Variants in PSD3 observed in about 807,000 individuals in gnomAD.
PSD3 encodes PH and SEC7 domain-containing protein 3.
In PSD3, 49 loss-of-function variants were observed where a neutral mutation model predicts 105.5. That is an observed-to-expected ratio of 0.46 (90% CI 0.37 to 0.59). PSD3 has a LOEUF of 0.59. PSD3 is among the 20% of genes least tolerant of loss of function. The probability of loss-of-function intolerance (pLI) is 0.00; values close to 1 mark genes in which losing one functional copy is unlikely to be tolerated. For missense variants in PSD3, 1,561 were observed against 1,263.8 expected, an observed-to-expected ratio of 1.24 and a Z score of -3.57; for synonymous variants, 557 against 457.8, an observed-to-expected ratio of 1.22 and a Z score of -2.77.
In PSD3 at chr8:18,743,097, T is replaced by C. The variant is rs1226914799; in HGVS notation, c.2172+22352A>G. On this transcript the variant is annotated intron_variant, in intron 9 of 15. Coordinates refer to ENST00000327040, the MANE Select transcript of PSD3 (RefSeq NM_015310.4). The stretch of plus-strand genomic sequence containing the variant: ...AGCAGGCTTCTCTTAAAAGTTGCTA[T>C]GCATACTTCTTCAACTGTATTGCAG... Among the ~76,000 whole-genome samples, 4 of 152,360 alleles carry C rather than the reference T, an allele frequency of 2.6e-5. No individual in the cohort carries two copies. The East Asian group carries it at 5.8e-4, about 22-fold the overall frequency.
chr8:18,732,764 A>G (rs1001606487), intron 9 of PSD3: 1 of 152,226 alleles, frequency 6.6e-6, no homozygotes, highest in African/African-American at 2.4e-5. Flanking sequence ...CTCCTGATGA[A>G]TGGAACAACA....
At chr8:18,817,936 T>C (rs531195834) in intron 4 of PSD3, among the ~76,000 whole-genome samples, 5 of 152,304 alleles carry the variant, frequency 3.3e-5, no homozygotes, top group South Asian at 2.1e-4. Context: ...ATAGATTATA[T>C]GCATTACGTT....
At chr8:18,970,625 G>C (rs944845461) in intron 1 of PSD3, among the ~76,000 whole-genome samples, 2 of 152,020 alleles carry the variant, frequency 1.3e-5, no homozygotes, top group African/African-American at 4.8e-5. Context: ...AAAACATTTA[G>C]TCTTTCCTAG....
chr8:18,620,484 TG>T (rs1447473808), intron 11 of PSD3, among the ~76,000 whole-genome samples: 1 of 151,764 alleles, frequency 6.6e-6, no homozygotes, highest in African/African-American at 2.4e-5. Context: ...CCAAGCCTGG[TG>T]GATCACTTGA....
intron 1 of PSD3, among the ~76,000 whole-genome samples, chr8:18,977,578 A>G (rs532738616): frequency 1.3e-5 from 2 of 152,136 alleles, no homozygotes; most frequent in Non-Finnish European, 2.9e-5. Flanking sequence ...AGATAGAGAG[A>G]TTTGTCTTTT....
At chr8:18,822,306 T>C (rs1299252281) in intron 4 of PSD3, among the ~76,000 whole-genome samples, 1 of 152,122 alleles carries the variant, frequency 6.6e-6, no homozygotes, top group Middle Eastern at 3.2e-3. Context: ...ATAAAGTCTG[T>C]CCTGTGTCCC....
At chr8:18,539,157 C>A (rs1030345012) in intron 15 of PSD3, among the ~76,000 whole-genome samples, 1 of 152,206 alleles carries the variant, frequency 6.6e-6, no homozygotes, top group Non-Finnish European at 1.5e-5. Context: ...TCAGGACTAA[C>A]CAGCAGGTAT....
At chr8:18,629,445 A>C (rs1045136248) in intron 11 of PSD3, among the ~76,000 whole-genome samples, 15 of 152,052 alleles carry the variant, frequency 9.9e-5, no homozygotes. Flanking sequence ...TCAAAACTGG[A>C]AACAACCAGA....
chr8:18,815,995 TC>T (rs1812191520), intron 4 of PSD3, among the ~76,000 whole-genome samples: 2 of 152,108 alleles, frequency 1.3e-5, no homozygotes, highest in Non-Finnish European at 2.9e-5. Flanking sequence ...AGTAAGACCC[TC>T]CCCTTAGGAA....
At chr8:18,901,555 G>A (rs1262085501) in intron 2 of PSD3, among the ~76,000 whole-genome samples, 1 of 152,024 alleles carries the variant, frequency 6.6e-6, no homozygotes, top group African/African-American at 2.4e-5. Context: ...ATTGCAGTTT[G>A]GTGGTTTTCT....
At chr8:18,844,059 G>C (rs1197709943) in intron 4 of PSD3, among the ~76,000 whole-genome samples, 1 of 151,854 alleles carries the variant, frequency 6.6e-6, no homozygotes, top group African/African-American at 2.4e-5. Context: ...GGTCCCACAA[G>C]ACAGATGTCC....
intron 12 of PSD3, among the ~76,000 whole-genome samples, chr8:18,579,135 A>ACACACACAC (rs1563342138): frequency 1.4e-5 from 1 of 72,712 alleles, no homozygotes; most frequent in Non-Finnish European, 3.0e-5. Context: ...CACACACACA[A>ACACACACAC]AGGGCAAAAC....
At chr8:18,894,371 T>C (rs1819006134) in intron 2 of PSD3, among the ~76,000 whole-genome samples, 1 of 152,134 alleles carries the variant, frequency 6.6e-6, no homozygotes, top group Admixed American at 6.6e-5. Flanking sequence ...AGGCTCTACA[T>C]CAATAATTCC....
At chr8:19,079,591 C>T (rs146541970) in intron 1 of PSD3, among the ~76,000 whole-genome samples, 1,532 of 152,256 alleles carry the variant, frequency 0.01, 10 homozygotes, top group Middle Eastern at 0.058. Context: ...AGGTAAGTGA[C>T]TGCTTCCTGG....
At chr8:18,577,470 A>G (rs1802532817) in intron 12 of PSD3, among the ~76,000 whole-genome samples, 1 of 152,060 alleles carries the variant, frequency 6.6e-6, no homozygotes, top group Admixed American at 6.6e-5. Context: ...AGACACGTAT[A>G]TTAACCTTTT....
rs1811022907 is a variant in PSD3 at position 18,804,544 on chromosome 8, T to C, written c.1888A>G (p.Met630Val). The change falls in exon 6 of 16, where the codon ATG (methionine) becomes GTG (valine). Residue 630 changes from methionine to valine, a missense_variant. By Grantham distance (21) the Met-to-Val change is conservative. Coordinates refer to ENST00000327040, the MANE Select transcript of PSD3 (RefSeq NM_015310.4). ...TACCTGAGTGACTGATCCAGCGTCA[T>C]TCCTGTAAAATCAAAAAACTTCAGA... ...EYLKFFDFTG[M>V]TLDQSLRYFF... is the part of the protein sequence containing the mutation. 6.2e-7 allele frequency: 1 copy of C among 1,612,934 alleles called. No homozygotes were observed. The highest frequency in any genetic ancestry group is 8.5e-7 in the Non-Finnish European group (1 of 1,179,050).
chr8:18,787,873 G>A (rs565666481), intron 8 of PSD3, among the ~76,000 whole-genome samples: 43 of 152,166 alleles, frequency 2.8e-4, no homozygotes, highest in African/African-American at 1.0e-3. Flanking sequence ...AAGTGTCCAA[G>A]CTCTAGCAGG....
chr8:18,982,149 A>T (rs528559947), intron 1 of PSD3, among the ~76,000 whole-genome samples: 1 of 152,354 alleles, frequency 6.6e-6, no homozygotes, highest in South Asian at 2.1e-4. Context: ...CTTCACCAGG[A>T]GTAAATCCCA....
chr8:18,643,110 G>C (rs954429937), intron 10 of PSD3, among the ~76,000 whole-genome samples: 2 of 152,174 alleles, frequency 1.3e-5, no homozygotes, highest in Non-Finnish European at 2.9e-5. Flanking sequence ...TACAGTTCTG[G>C]AGACTGGGAA....
Sources: allele counts gnomAD v4.1 joint callset (sites outside exome capture counted in the v4.1 genomes callset), GRCh38; gene constraint gnomAD v4.1.1; transcripts MANE v1.5; gene names NCBI Gene and HGNC (gene_info 2026-07-23, HGNC 2026-07-21).